Variants in NCAM2 observed in about 807,000 individuals in gnomAD.
NCAM2 encodes neural cell adhesion molecule 2, also known as N-CAM-2.
NCAM2 carries 30 observed loss-of-function variants against 98.1 expected under a neutral mutation model. The observed-to-expected ratio is 0.31, with a 90% CI of 0.23 to 0.41. The LOEUF (loss-of-function observed/expected upper bound fraction) is 0.41, where lower values mean the gene tolerates loss of function less well. Ranked by LOEUF, NCAM2 falls within the 10% of genes least tolerant of loss-of-function variation. NCAM2 has a pLI of 1.00. For missense variants in NCAM2, 867 were observed against 1,005.8 expected (o/e 0.86, Z 1.87); for synonymous variants, 368 against 342.4 (o/e 1.07, Z -0.83).
chr21:21,265,188 ATATG>A (rs2147381298), intron 1 of NCAM2, among the ~76,000 whole-genome samples: 1 of 125,918 alleles, frequency 7.9e-6, no homozygotes, highest in South Asian at 2.3e-4. Context: ...TATATATAAT[ATATG>A]TGTGTATGTA....
intron 12 of NCAM2, among the ~76,000 whole-genome samples, chr21:21,451,247 A>T (rs1372328153): frequency 6.6e-6 from 1 of 152,128 alleles, no homozygotes; most frequent in African/African-American, 2.4e-5. Context: ...CACTCAAATA[A>T]AACTAAATAG....
chr21:21,334,112 T>C (rs1201242531), intron 6 of NCAM2, among the ~76,000 whole-genome samples: 1 of 152,094 alleles, frequency 6.6e-6, no homozygotes, highest in Non-Finnish European at 1.5e-5. Flanking sequence ...TTTGTATTTT[T>C]AGTAGAGATG....
At chr21:21,496,162 T>C (rs1987219628) in intron 15 of NCAM2, among the ~76,000 whole-genome samples, 1 of 151,728 alleles carries the variant, frequency 6.6e-6, no homozygotes, top group Non-Finnish European at 1.5e-5. Context: ...CAAATGGTAG[T>C]TCTGTTTTAA....
chr21:21,336,203 T>C (rs2147864218), intron 7 of NCAM2, among the ~76,000 whole-genome samples: 1 of 152,290 alleles, frequency 6.6e-6, no homozygotes, highest in Admixed American at 6.5e-5. Flanking sequence ...GCTTCAATTA[T>C]GTTTACAAGA....
At chr21:21,345,969 G>A (rs1417649425) in intron 8 of NCAM2, among the ~76,000 whole-genome samples, 1 of 151,852 alleles carries the variant, frequency 6.6e-6, no homozygotes, top group African/African-American at 2.4e-5. Flanking sequence ...AAGACAGGAA[G>A]GATAGAAAGA....
At position 21,234,104 on chromosome 21, in the gene NCAM2, T is replaced by C. The variant is rs189756933; in HGVS notation, c.56-46474T>C. ...CTCACAGAGATTTTACTAGTATTAG[T>C]GTAAGGAAAATTTATTAATATTGGA... is the stretch of plus-strand genomic sequence containing the variant. On this transcript the variant is annotated intron_variant, in intron 1 of 17. Coordinates refer to ENST00000400546, the MANE Select transcript of NCAM2 (RefSeq NM_004540.5). Among the ~76,000 whole-genome samples the C allele has an allele frequency of 1.2e-4, 18 of 151,930 alleles. 1 individual carries two copies. The highest frequency in any genetic ancestry group is 1.1e-3 in the Admixed American group (17 of 15,216).
chr21:21,421,386 A>ATT (rs5842922), intron 11 of NCAM2, among the ~76,000 whole-genome samples: 1 of 151,854 alleles, frequency 6.6e-6, no homozygotes, highest in East Asian at 1.9e-4. Flanking sequence ...AATATTGGAA[A>ATT]TTTTTTGAAT....
chr21:21,117,521 T>G (rs2039130682), intron 1 of NCAM2, among the ~76,000 whole-genome samples: 1 of 152,194 alleles, frequency 6.6e-6, no homozygotes, highest in African/African-American at 2.4e-5. Flanking sequence ...TGAATATATT[T>G]ATGTTTCATA....
intron 1 of NCAM2, among the ~76,000 whole-genome samples, chr21:21,145,587 T>C (rs1488193566): frequency 6.6e-6 from 1 of 152,150 alleles, no homozygotes; most frequent in Non-Finnish European, 1.5e-5. Flanking sequence ...AATTTTTAAG[T>C]AGTCTATAAA....
chr21:21,138,818 T>A (rs528406503), intron 1 of NCAM2, among the ~76,000 whole-genome samples: 259 of 152,318 alleles, frequency 1.7e-3, no homozygotes, highest in Middle Eastern at 6.8e-3. Context: ...ACTGACACTT[T>A]CTTTGACACT....
chr21:21,238,199 C>T (rs1348955540), intron 1 of NCAM2, among the ~76,000 whole-genome samples: 2 of 152,038 alleles, frequency 1.3e-5, no homozygotes, highest in African/African-American at 2.4e-5. Context: ...TCAGGTGATA[C>T]GCCCATCTCG....
chr21:21,015,987 C>T (rs1376171689), intron 1 of NCAM2, among the ~76,000 whole-genome samples: 2 of 152,046 alleles, frequency 1.3e-5, no homozygotes, highest in East Asian at 3.9e-4. Flanking sequence ...GCATTACAGA[C>T]GTGAGCCACA....
intron 6 of NCAM2, among the ~76,000 whole-genome samples, 178 bp downstream of exon 6, chr21:21,324,678 A>G (rs1019224349): frequency 1.3e-5 from 2 of 152,166 alleles, no homozygotes; most frequent in African/African-American, 4.8e-5. Flanking sequence ...AAAGAGATCA[A>G]CAGTGTGACC....
At chr21:21,330,410 G>A (rs968571596) in intron 6 of NCAM2, among the ~76,000 whole-genome samples, 17 of 151,928 alleles carry the variant, frequency 1.1e-4, no homozygotes, top group African/African-American at 3.6e-4. Flanking sequence ...GAAGTATGCT[G>A]ATTTGTTTCT....
Position 21,231,309 on chromosome 21 carries a change from G to C in NCAM2, c.56-49269G>C, listed in dbSNP as rs187322185. Among the ~76,000 whole-genome samples, 542 of 151,346 alleles carry C rather than the reference G, an allele frequency of 3.6e-3. 4 individuals carry two copies. Among genetic ancestry groups the C allele is most frequent in the African/African-American group, 0.013 (524 of 41,468 alleles). Reference sequence around the variant, plus strand: ...GAACTTCTCTGGGATTTATATGGCAGTTATCCCTTTTATAATTTAATGAGC... The same window carrying C: ...GAACTTCTCTGGGATTTATATGGCACTTATCCCTTTTATAATTTAATGAGC... On this transcript the variant is annotated intron_variant, in intron 1 of 17. Transcript: ENST00000400546.
intron 1 of NCAM2, among the ~76,000 whole-genome samples, chr21:21,212,621 A>G (rs1278542727): frequency 1.5e-4 from 23 of 152,200 alleles, no homozygotes; most frequent in Admixed American, 7.2e-4. Context: ...ATCATTGACA[A>G]TATCATGGTT....
intron 12 of NCAM2, among the ~76,000 whole-genome samples, chr21:21,465,481 C>A (rs1264107830): frequency 6.6e-6 from 1 of 151,070 alleles, no homozygotes; most frequent in Non-Finnish European, 1.5e-5. Context: ...GAATGGAACG[C>A]AAGGAAGTAT....
intron 5 of NCAM2, among the ~76,000 whole-genome samples, chr21:21,301,797 C>T (rs1461113329): frequency 5.3e-5 from 8 of 150,612 alleles, no homozygotes; most frequent in Non-Finnish European, 8.9e-5. Flanking sequence ...AAAAAGTGGG[C>T]GAAGGACATG....
At chr21:21,272,934 TCACACACACACACACACACACA>T (rs61235726) in intron 1 of NCAM2, among the ~76,000 whole-genome samples, 1 of 124,788 alleles carries the variant, frequency 8.0e-6, no homozygotes, top group Admixed American at 8.1e-5. Flanking sequence ...GGACATGCAT[TCACACACACACACACACACACA>T]CACACACGGG....
Sources: gnomAD v4.1 joint callset for allele counts (sites outside exome capture counted in the v4.1 genomes callset) on GRCh38, gnomAD v4.1.1 for gene constraint, MANE v1.5 for transcripts, NCBI Gene and HGNC (gene_info 2026-07-23, HGNC 2026-07-21) for gene names.